Variants in CLCA4 observed in about 807,000 individuals in gnomAD.
The protein encoded by CLCA4 is calcium-activated chloride channel regulator 4.
Under a neutral mutation model 78.9 loss-of-function variants are expected in CLCA4, and 69 were observed. The observed-to-expected ratio is 0.87, with a 90% CI of 0.72 to 1.07. The LOEUF (loss-of-function observed/expected upper bound fraction) is 1.07, where lower values mean the gene tolerates loss of function less well. Ranked by LOEUF, CLCA4 falls within the 50% of genes least tolerant of loss-of-function variation. The pLI is 0.00. For missense variants in CLCA4, 1,133 were observed against 1,095.8 expected, an observed-to-expected ratio of 1.03 and a Z score of -0.48; for synonymous variants, 362 against 375.8, an observed-to-expected ratio of 0.96 and a Z score of 0.42.
In CLCA4 at chr1:86,565,432, T is replaced by G. The variant is rs776403617; in HGVS notation, c.716T>G (p.Phe239Cys). 1.9e-6 allele frequency: 3 copies of G among 1,594,472 alleles called. No homozygotes were observed. Among genetic ancestry groups the G allele is most frequent in the Non-Finnish European group, 2.6e-6 (3 of 1,169,980 alleles). Residue 239 changes from phenylalanine (F) to cysteine (C), a missense_variant, in exon 5 of 14, where the codon TTT becomes TGT. Coordinates refer to ENST00000370563, the MANE Select transcript of CLCA4 (RefSeq NM_012128.4). ...CAAACAGAAAAAGCATCCATAATGT[T>G]TATGCAAAGTATTGATTCTGTAAGT... is the stretch of plus-strand genomic sequence containing the variant. ...KVQTEKASIM[F>C]MQSIDSVVEF...
chr1:86,552,260 G>A (rs926012994), intron 1 of CLCA4, among the ~76,000 whole-genome samples: 1 of 151,982 alleles, frequency 6.6e-6, no homozygotes, highest in Non-Finnish European at 1.5e-5. Flanking sequence ...AAACTGAATT[G>A]TAAAAAAATC....
Position 86,571,065 on chromosome 1 carries a change from T to C in CLCA4, c.1183-12T>C. On this transcript the variant is annotated splice_polypyrimidine_tract_variant and intron_variant, in intron 7 of 13. Coordinates refer to ENST00000370563, the MANE Select transcript of CLCA4 (RefSeq NM_012128.4). ...CATCTGTTGGTAACTGTGCTCTGCATTATGTTTGCAGGTGATTGGAGAGCT... is the reference window on the plus strand; with the variant it reads ...CATCTGTTGGTAACTGTGCTCTGCACTATGTTTGCAGGTGATTGGAGAGCT... 6.3e-7 allele frequency: 1 copy of C among 1,598,846 alleles called. No homozygotes were observed. The highest frequency in any genetic ancestry group is 8.6e-7 in the Non-Finnish European group (1 of 1,168,376).
chr1:86,552,329 G>C (rs1179816795), intron 1 of CLCA4, among the ~76,000 whole-genome samples: 2 of 152,186 alleles, frequency 1.3e-5, no homozygotes, highest in African/African-American at 2.4e-5. Flanking sequence ...CTACAGTGGG[G>C]GACACAAAGA....
rs1194348173 is a variant in CLCA4 at position 86,566,019 on chromosome 1, G to A, written c.953G>A (p.Gly318Glu). The A allele has an allele frequency of 1.9e-6, 3 of 1,610,294 alleles. No individual in the cohort carries two copies. The highest frequency in any genetic ancestry group is 1.7e-6 in the Non-Finnish European group (2 of 1,177,486). Residue 318 changes from glycine (G) to glutamate (E), a missense_variant and splice_region_variant, in exon 6 of 14, where the codon GGG (glycine) becomes GAG (glutamate). Gly to Glu is a moderately conservative substitution (Grantham distance 98). Coordinates refer to ENST00000370563, the MANE Select transcript of CLCA4 (RefSeq NM_012128.4). ...GTTCTTGATAAGTCTGGAAGCATGG[G>A]GGTAAGATCACTTTTTCTGGATATA... is the stretch of plus-strand genomic sequence containing the variant. ...CLVLDKSGSM[G>E]GKDRLNRMNQ...
rs1046677579 is a variant in CLCA4 at position 86,574,645 on chromosome 1, A to T, written c.1573A>T (p.Ser525Cys). The change falls in exon 10 of 14, where the codon AGT becomes TGT. Residue 525 changes from serine to cysteine, a missense_variant. Transcript: ENST00000370563. ...KDTFFLITWN[S>C]LPPSISLWDP... Reference sequence around the variant, plus strand: ...CACGTTCTTTCTCATCACATGGAACAGTCTGCCTCCCAGTATTTCTCTCTG... The same window carrying T: ...CACGTTCTTTCTCATCACATGGAACTGTCTGCCTCCCAGTATTTCTCTCTG... 1.9e-6 allele frequency: 3 copies of T among 1,613,272 alleles called. No homozygotes were observed. The highest frequency in any genetic ancestry group is 2.5e-6 in the Non-Finnish European group (3 of 1,179,450).
At position 86,579,386 on chromosome 1, in the gene CLCA4, A is replaced by G; in HGVS notation, c.2155A>G (p.Ile719Val). Reference protein sequence around the residue: ...EIEANPPRPEIDEDTQTTLED... With the variant: ...EIEANPPRPEVDEDTQTTLED... ...TGAAGCAAACCCGCCAAGACCTGAA[A>G]TTGATGAGGATACTCAGACCACCTT... Residue 719 changes from isoleucine to valine, a missense_variant, in exon 13 of 14, where the codon ATT (isoleucine) becomes GTT (valine). Ile to Val is a conservative substitution (Grantham distance 29). Coordinates refer to ENST00000370563, the MANE Select transcript of CLCA4 (RefSeq NM_012128.4). 1 of 1,613,230 alleles carries G rather than the reference A, an allele frequency of 6.2e-7. No individual in the cohort carries two copies. The highest frequency in any genetic ancestry group is 8.5e-7 in the Non-Finnish European group (1 of 1,179,472).
chr1:86,572,705 C>T lies in CLCA4; in HGVS notation c.1452C>T (p.Ser484=). Residue 484 remains serine (S), a synonymous_variant, in exon 9 of 14, where the codon TCC becomes TCT. Coordinates refer to ENST00000370563, the MANE Select transcript of CLCA4 (RefSeq NM_012128.4). ...GALTSGNTDL[S]QKSLQLESKG... ...TTACATCAGGAAATACTGATCTCTC[C>T]CAGAAGTCCCTTCAGGTCAGAGTTC... 1 of 1,587,782 alleles carries T rather than the reference C, an allele frequency of 6.3e-7. No homozygotes were observed. The highest frequency in any genetic ancestry group is 8.6e-7 in the Non-Finnish European group (1 of 1,156,406).
Position 86,577,894 on chromosome 1 carries a change from A to G in CLCA4, c.1952-8A>G, listed in dbSNP as rs373869073. ...TACAAGACTTTATTCCTTCATTTCT[A>G]TAACAAGGCGCTGATTCTTTCAAGA... On this transcript the variant is annotated splice_region_variant and splice_polypyrimidine_tract_variant and intron_variant, in intron 11 of 13. Transcript: ENST00000370563. 186 of 1,604,572 alleles carry G rather than the reference A, an allele frequency of 1.2e-4. No individual in the cohort carries two copies. The highest frequency in any genetic ancestry group is 1.5e-4 in the Non-Finnish European group (176 of 1,176,170).
intron 1 of CLCA4, chr1:86,553,339 AC>A (rs1649721455): frequency 1.6e-6 from 1 of 617,914 alleles, no homozygotes. Flanking sequence ...CCTCGTGCAA[AC>A]ATTGTGTCTT....
At chr1:86,578,169 T>C in intron 12 of CLCA4, 97 bp downstream of exon 12, 1 of 1,095,910 alleles carries the variant, frequency 9.1e-7, no homozygotes, top group South Asian at 1.9e-5. Flanking sequence ...AAACTCAAAA[T>C]ATAGCTTTTC....
At chr1:86,570,975 CA>C in intron 7 of CLCA4, 101 bp from the exon 8 acceptor site, 1 of 802,404 alleles carries the variant, frequency 1.2e-6, no homozygotes, top group Non-Finnish European at 2.0e-6. Context: ...TTCTATTCTG[CA>C]TAACTTTGTT....
rs540067219 is a variant in CLCA4 at position 86,565,556 on chromosome 1, G to C, written c.735+105G>C. 4.3e-4 allele frequency: 388 copies of C among 907,732 alleles called. 1 individual carries two copies. The highest frequency in any genetic ancestry group is 5.4e-4 in the Non-Finnish European group (327 of 600,204). The allele number at this position is 907,732 out of a possible 1,614,324, so 56.2% of individuals were successfully genotyped here. A position where few individuals can be genotyped will look rare whatever the true frequency, so the allele number is the denominator to read the frequency against. On this transcript the variant is annotated intron_variant, in intron 5 of 13. Coordinates refer to ENST00000370563, the MANE Select transcript of CLCA4 (RefSeq NM_012128.4). ...CCTGAGGATTATATATATTGATATA[G>C]AGTTCTTTGAACACTGGCTAACACA...
chr1:86,578,030 C>T lies in CLCA4; in HGVS notation c.2080C>T (p.Pro694Ser), dbSNP rs774099825. 3 of 1,612,696 alleles carry T rather than the reference C, an allele frequency of 1.9e-6. No homozygotes were observed. The Admixed American group carries it at 5.0e-5, about 27-fold the overall frequency. ...CACTGCCAGGCTAAAATTACGGCCT[C>T]CACTGAATAGAGCCGCGTACATACC... is the stretch of plus-strand genomic sequence containing the variant. ...ANTARLKLRP[P>S]LNRAAYIPGW... The change falls in exon 12 of 14, where the codon CCA (proline) becomes TCA (serine). Residue 694 changes from proline (P) to serine (S), a missense_variant. Transcript: ENST00000370563.
chr1:86,562,853 TAAAA>T (rs10579344), intron 3 of CLCA4, among the ~76,000 whole-genome samples: 14 of 133,220 alleles, frequency 1.1e-4, no homozygotes, highest in East Asian at 6.4e-4. Context: ...GACTCCATCT[TAAAA>T]AAAAAAAAAA....
intron 1 of CLCA4, among the ~76,000 whole-genome samples, chr1:86,550,656 C>T (rs897238826): frequency 2.6e-5 from 4 of 151,582 alleles, no homozygotes; most frequent in Admixed American, 6.6e-5. Flanking sequence ...AGGTAAGAAT[C>T]GCTTCAACCA....
At position 86,571,204 on chromosome 1, in the gene CLCA4, C is replaced by T. The variant is rs753130575; in HGVS notation, c.1310C>T (p.Ala437Val). The T allele has an allele frequency of 2.0e-5, 32 of 1,612,660 alleles. No homozygotes were observed. Among genetic ancestry groups the T allele is most frequent in the Admixed American group, 1.0e-4 (6 of 59,894 alleles). Residue 437 changes from alanine (A) to valine (V), a missense_variant, in exon 8 of 14, where the codon GCT becomes GTT. Coordinates refer to ENST00000370563, the MANE Select transcript of CLCA4 (RefSeq NM_012128.4). ...AGTGGGGCCATTGTTCATTTTATTG[C>T]TTTGGGAAGAGCTGCTGATGAAGCA... Reference protein sequence around the residue: ...KQSGAIVHFIALGRAADEAVI... With the variant: ...KQSGAIVHFIVLGRAADEAVI...
rs893528476 is a variant in CLCA4 at position 86,547,152 on chromosome 1, A to T, written c.33A>T (p.Leu11Phe). The T allele has an allele frequency of 6.2e-7, 1 of 1,608,400 alleles. No individual in the cohort carries two copies. The highest frequency in any genetic ancestry group is 8.5e-7 in the Non-Finnish European group (1 of 1,178,522). Reference protein sequence around the residue: MGLFRGFVFLLVLCLLHQSNT... With the variant: MGLFRGFVFLFVLCLLHQSNT... The stretch of plus-strand genomic sequence containing the variant: ...TATTCAGAGGTTTTGTTTTCCTCTT[A>T]GTTCTGTGCCTGCTGCACCAGTCAA... Residue 11 changes from leucine to phenylalanine, a missense_variant, in exon 1 of 14, where the codon TTA (leucine) becomes TTT (phenylalanine). Leu to Phe is a conservative substitution (Grantham distance 22). Coordinates refer to ENST00000370563, the MANE Select transcript of CLCA4 (RefSeq NM_012128.4).
At chr1:86,568,261 C>T (rs188096654) in intron 7 of CLCA4, among the ~76,000 whole-genome samples, 1 of 151,342 alleles carries the variant, frequency 6.6e-6, no homozygotes, top group African/African-American at 2.4e-5. Flanking sequence ...AATAGGAATG[C>T]CTACCTCATA....
intron 2 of CLCA4, 64 bp downstream of exon 2, chr1:86,560,136 T>A (rs2231582): frequency 1.3e-6 from 2 of 1,556,856 alleles, no homozygotes; most frequent in Non-Finnish European, 1.7e-6. Context: ...TTGCCACAAA[T>A]TATTTAAGAG....
Sources: gnomAD v4.1 joint callset for allele counts (sites outside exome capture counted in the v4.1 genomes callset) on GRCh38, gnomAD v4.1.1 for gene constraint, MANE v1.5 for transcripts, NCBI Gene and HGNC (gene_info 2026-07-23, HGNC 2026-07-21) for gene names.